Variants in CYFIP1 observed in about 807,000 individuals in gnomAD.
The protein encoded by CYFIP1 is cytoplasmic FMR1 interacting protein 1.
A neutral mutation model predicts 163.5 loss-of-function variants in CYFIP1; 58 were observed. The observed-to-expected ratio is 0.35, with a 90% confidence interval of 0.29 to 0.44. The LOEUF (loss-of-function observed/expected upper bound fraction) is 0.44, where lower values mean the gene tolerates loss of function less well. Ranked by LOEUF, CYFIP1 falls within the 20% of genes least tolerant of loss-of-function variation. CYFIP1 has a pLI of 1.00. For missense variants in CYFIP1, 1,338 were observed against 1,653.8 expected (o/e 0.81, Z 3.31); for synonymous variants, 663 against 660.7 (o/e 1.00, Z -0.05).
At chr15:22,893,904 T>C (rs114675876) in intron 22 of CYFIP1, among the ~76,000 whole-genome samples, 125 of 152,348 alleles carry the variant, frequency 8.2e-4, no homozygotes, top group African/African-American at 2.9e-3. Flanking sequence ...CAGATGTGTC[T>C]GCAACAGGAT....
intron 28 of CYFIP1, 84 bp from the exon 29 acceptor site, chr15:22,873,813 A>C: frequency 8.0e-7 from 1 of 1,246,652 alleles, no homozygotes; most frequent in Non-Finnish European, 1.1e-6. Flanking sequence ...TTCTCTTGAG[A>C]CAGGGTCTTG....
intron 6 of CYFIP1, among the ~76,000 whole-genome samples, chr15:22,942,494 A>AGT (rs1567007622): frequency 7.2e-5 from 11 of 152,152 alleles, no homozygotes; most frequent in Admixed American, 2.0e-4. Flanking sequence ...GCCGGTCGGC[A>AGT]GCGCGCCGAG....
chr15:22,933,665 G>C (rs941495065), intron 10 of CYFIP1, 137 bp downstream of exon 10: 2 of 644,964 alleles, frequency 3.1e-6, no homozygotes, highest in African/African-American at 1.8e-5. Flanking sequence ...TGTGGCAAAG[G>C]CTGCAATACT....
At chr15:22,899,481 C>T (rs2060331418) in intron 22 of CYFIP1, among the ~76,000 whole-genome samples, 1 of 152,060 alleles carries the variant, frequency 6.6e-6, no homozygotes, top group Non-Finnish European at 1.5e-5. Context: ...AGGTCTTTCC[C>T]ATGCTTTTTT....
At chr15:22,907,861 A>G (rs1427469935) in intron 21 of CYFIP1, among the ~76,000 whole-genome samples, 3 of 152,156 alleles carry the variant, frequency 2.0e-5, no homozygotes, top group Non-Finnish European at 4.4e-5. Context: ...CCTGAGTGGC[A>G]GGCCGGTGTC....
intron 23 of CYFIP1, among the ~76,000 whole-genome samples, chr15:22,889,870 C>T (rs888823883): frequency 6.6e-6 from 1 of 152,174 alleles, no homozygotes; most frequent in Non-Finnish European, 1.5e-5. Flanking sequence ...CTTTCTAGTC[C>T]TATCTTCTAA....
Position 22,932,244 on chromosome 15 carries a change from C to T in CYFIP1, c.1089G>A (p.Leu363=). The T allele has an allele frequency of 6.2e-7, 1 of 1,612,104 alleles. No individual in the cohort carries two copies. Among genetic ancestry groups the T allele is most frequent in the African/African-American group, 1.3e-5 (1 of 74,954 alleles). Residue 363 remains leucine, a synonymous_variant, in exon 11 of 31, where the codon CTG becomes CTA. Coordinates refer to ENST00000617928, the MANE Select transcript of CYFIP1 (RefSeq NM_014608.6). ...GCACCTCGCTGTTGCTGTAGCGCGC[C>T]AGCTCCGAAATGAAGCGCATGTGGT... is the stretch of plus-strand genomic sequence containing the variant. The part of the protein sequence containing the change: ...REDHMRFISE[L]ARYSNSEVVT...
chr15:22,926,440 G>A (rs1299151892), intron 12 of CYFIP1, among the ~76,000 whole-genome samples: 1 of 152,174 alleles, frequency 6.6e-6, no homozygotes, highest in Non-Finnish European at 1.5e-5. Flanking sequence ...GGGAGGTTGA[G>A]GCAGGAGGAT....
chr15:22,928,047 G>A lies in CYFIP1; in HGVS notation c.1111-19C>T, dbSNP rs773413088. ...TGACCACCTGCACAAGGCGGGCACG[G>A]CCCCGTGAGAAACCAGCGCCCCCAC... On this transcript the variant is annotated intron_variant, in intron 11 of 30. Coordinates refer to ENST00000617928, the MANE Select transcript of CYFIP1 (RefSeq NM_014608.6). 2.0e-6 allele frequency: 3 copies of A among 1,494,502 alleles called. No homozygotes were observed. The highest frequency in any genetic ancestry group is 2.9e-5 in the African/African-American group (2 of 70,102). 92.6% of individuals were successfully genotyped at this position (1,494,502 alleles called of 1,614,324 possible).
At chr15:22,979,985 C>G (rs187840871) in intron 1 of CYFIP1, among the ~76,000 whole-genome samples, 2,203 of 152,030 alleles carry the variant, frequency 0.014, 51 homozygotes, top group African/African-American at 0.05. Context: ...AGGCGGTGAA[C>G]GCGGGGGCGG....
At chr15:22,945,977 A>C (rs1189473156) in intron 3 of CYFIP1, among the ~76,000 whole-genome samples, 1 of 152,174 alleles carries the variant, frequency 6.6e-6, no homozygotes, top group East Asian at 1.9e-4. Context: ...CGTAGCCATT[A>C]AGGATTGCTT....
At chr15:22,959,049 G>A (rs563375376) in intron 1 of CYFIP1, among the ~76,000 whole-genome samples, 1 of 152,138 alleles carries the variant, frequency 6.6e-6, no homozygotes, top group Non-Finnish European at 1.5e-5. Context: ...GGGGCCCTCA[G>A]GACAATGAGA....
intron 30 of CYFIP1, chr15:22,872,535 C>A: frequency 3.2e-6 from 1 of 315,046 alleles, no homozygotes; most frequent in Non-Finnish European, 5.9e-6. Flanking sequence ...CACAGACTTC[C>A]AGGGGCCCGA....
intron 6 of CYFIP1, among the ~76,000 whole-genome samples, chr15:22,941,730 C>G (rs1206306159): frequency 6.6e-6 from 1 of 152,102 alleles, no homozygotes. Context: ...CCCTCCTTCC[C>G]CCAGCTTTGC....
chr15:22,965,785 G>C (rs1296584395), intron 1 of CYFIP1, among the ~76,000 whole-genome samples: 1 of 152,144 alleles, frequency 6.6e-6, no homozygotes, highest in African/African-American at 2.4e-5. Context: ...CCGCTGCCCT[G>C]GTGTCCCCAG....
At chr15:22,973,972 A>G (rs1381306279) in intron 1 of CYFIP1, among the ~76,000 whole-genome samples, 1 of 152,166 alleles carries the variant, frequency 6.6e-6, no homozygotes, top group Non-Finnish European at 1.5e-5. Flanking sequence ...AACCACAATG[A>G]GCTATCACCT....
Position 22,871,619 on chromosome 15 carries a change from A to G in CYFIP1, c.3597+1206T>C, listed in dbSNP as rs1429991630. 2.0e-5 allele frequency among the ~76,000 whole-genome samples: 3 copies of G among 152,278 alleles called. No individual in the cohort carries two copies. The East Asian group carries it at 5.8e-4, about 29-fold the overall frequency. The stretch of plus-strand genomic sequence containing the variant: ...TGTGGCTAAGACTGGACTGTAGAAC[A>G]GGGAGAGTATCTGGGGTTGTCCAGT... On this transcript the variant is annotated intron_variant, in intron 30 of 30. Coordinates refer to ENST00000617928, the MANE Select transcript of CYFIP1 (RefSeq NM_014608.6).
Position 22,883,015 on chromosome 15 carries a change from G to A in CYFIP1, c.2677-4C>T, listed in dbSNP as rs765301603. 3.8e-5 allele frequency: 61 copies of A among 1,613,172 alleles called. No homozygotes were observed. The highest frequency in any genetic ancestry group is 5.0e-5 in the Admixed American group (3 of 59,970). On this transcript the variant is annotated splice_polypyrimidine_tract_variant and splice_region_variant and intron_variant, in intron 23 of 30. Coordinates refer to ENST00000617928, the MANE Select transcript of CYFIP1 (RefSeq NM_014608.6). ...TGGAGTAGGCCAAGTTCAAAGCCTG[G>A]AAAACAGGGCACAGAGCTCTCAGCA... is the stretch of plus-strand genomic sequence containing the variant.
rs2060761847 is a variant in CYFIP1, at chr15:22,910,778, T to C, written c.2118A>G (p.Leu706=). 6.2e-7 allele frequency: 1 copy of C among 1,613,928 alleles called. No individual in the cohort carries two copies. Among genetic ancestry groups the C allele is most frequent in the Admixed American group, 1.7e-5 (1 of 60,006 alleles). The change falls in exon 19 of 31, where the codon CTA becomes CTG. Residue 706 remains leucine, a synonymous_variant. Coordinates refer to ENST00000617928, the MANE Select transcript of CYFIP1 (RefSeq NM_014608.6). ...TATAATAGGCAAATATCTGGTCTGC[T>C]AGCTTGTAAACAAATTGGTCAAAAC... ...NLCFDQFVYK[L]ADQIFAYYKV...
Sources: allele counts gnomAD v4.1 joint callset (sites outside exome capture counted in the v4.1 genomes callset), GRCh38; gene constraint gnomAD v4.1.1; transcripts MANE v1.5; gene names NCBI Gene and HGNC (gene_info 2026-07-23, HGNC 2026-07-21).